Variants in ETS1 observed in about 807,000 individuals in gnomAD.
The protein encoded by ETS1 is protein C-ets-1.
A neutral mutation model predicts 58.6 loss-of-function variants in ETS1; 15 were observed. The observed-to-expected ratio is 0.26, with a 90% CI of 0.17 to 0.39. The LOEUF is 0.39. Among genes scored for constraint, ETS1 ranks in the 10% least tolerant of loss-of-function variants. The probability of loss-of-function intolerance (pLI) is 1.00; values close to 1 mark genes in which losing one functional copy is unlikely to be tolerated. For synonymous variants in ETS1, 214 were observed against 218.2 expected (o/e 0.98, Z 0.17); for missense variants, 417 against 610.5 (o/e 0.68, Z 3.34).
intron 3 of ETS1, among the ~76,000 whole-genome samples, chr11:128,507,407 C>A (rs1863270491): frequency 6.6e-6 from 1 of 152,252 alleles, no homozygotes; most frequent in South Asian, 2.1e-4. Context: ...TTACACACCA[C>A]TCCAGTTGGG....
intron 5 of ETS1, 99 bp from the exon 6 acceptor site, chr11:128,486,245 C>T (rs542260432): frequency 1.4e-4 from 105 of 728,878 alleles, no homozygotes; most frequent in Non-Finnish European, 2.3e-4. Flanking sequence ...ATCTCAACCC[C>T]TTTTCTAAGA....
At chr11:128,557,262 G>T (rs562331354) in intron 2 of ETS1, among the ~76,000 whole-genome samples, 31 of 152,270 alleles carry the variant, frequency 2.0e-4, no homozygotes, top group African/African-American at 7.0e-4. Context: ...TAGCTACTCG[G>T]GAGGCTAAGG....
At chr11:128,547,689 T>C (rs961241549) in intron 3 of ETS1, among the ~76,000 whole-genome samples, 1 of 152,128 alleles carries the variant, frequency 6.6e-6, no homozygotes, top group Non-Finnish European at 1.5e-5. Context: ...TCCTGTTTTC[T>C]TAAATAGCAA....
chr11:128,558,042 G>T (rs756729861), intron 2 of ETS1, among the ~76,000 whole-genome samples: 2 of 152,186 alleles, frequency 1.3e-5, no homozygotes, highest in Non-Finnish European at 2.9e-5. Context: ...GCAGAAGAAG[G>T]TTCCATGCAC....
At chr11:128,480,527 C>A in intron 7 of ETS1, 76 bp from the exon 8 acceptor site, 2 of 989,980 alleles carry the variant, frequency 2.0e-6, no homozygotes, top group South Asian at 2.9e-5. Context: ...TAAAAACCCT[C>A]TTATGGAGGA....
chr11:128,566,010 G>A (rs573199069), intron 2 of ETS1, among the ~76,000 whole-genome samples: 5 of 152,192 alleles, frequency 3.3e-5, no homozygotes, highest in Admixed American at 2.6e-4. Flanking sequence ...GAACTGCATC[G>A]CAAGGAGGCC....
At chr11:128,567,361 A>G (rs1038196835) in intron 2 of ETS1, among the ~76,000 whole-genome samples, 1 of 152,240 alleles carries the variant, frequency 6.6e-6, no homozygotes, top group Admixed American at 6.5e-5. Flanking sequence ...CAGTGCTCGT[A>G]CGTCTGCAAT....
intron 3 of ETS1, among the ~76,000 whole-genome samples, chr11:128,512,683 C>T (rs1437736765): frequency 2.0e-5 from 3 of 152,222 alleles, no homozygotes; most frequent in Non-Finnish European, 4.4e-5. Context: ...CTGTGGGCAC[C>T]CAAAGCACGC....
At chr11:128,579,259 A>C (rs563815043) in intron 1 of ETS1, among the ~76,000 whole-genome samples, 1 of 152,292 alleles carries the variant, frequency 6.6e-6, no homozygotes, top group East Asian at 1.9e-4. Flanking sequence ...ACAATGCAAA[A>C]TTTGAATAGA....
chr11:128,489,468 G>T lies in ETS1; in HGVS notation c.357C>A (p.Thr119=), dbSNP rs1408983361. ...CCCACATCACCCAGTCCCGAACATG[G>T]GTTTCTGTCCACTGCCGGGGGTCTG... ...IPKDPRQWTE[T]HVRDWVMWAV... Residue 119 remains threonine (T), a synonymous_variant, in exon 5 of 10, where the codon ACC becomes ACA. Transcript: ENST00000392668. 6.2e-7 allele frequency: 1 copy of T among 1,613,974 alleles called. No individual in the cohort carries two copies. Among genetic ancestry groups the T allele is most frequent in the Admixed American group, 1.7e-5 (1 of 60,024 alleles).
chr11:128,549,549 G>A lies in ETS1; in HGVS notation c.214+6742C>T, dbSNP rs1175272659. The stretch of plus-strand genomic sequence containing the variant: ...ACGTTTTTTCTCTCCGCAGCCCCCT[G>A]GGAGTCCCAGCGCAATGCTGTTACT... On this transcript the variant is annotated intron_variant, in intron 3 of 9. Transcript: ENST00000392668. The surrounding 1 kb of genome is among the most constrained non-coding windows in gnomAD (Gnocchi z 4.3). 6.6e-6 allele frequency among the ~76,000 whole-genome samples: 1 copy of A among 152,194 alleles called. No homozygotes were observed. Among genetic ancestry groups the A allele is most frequent in the Non-Finnish European group, 1.5e-5 (1 of 68,032 alleles).
chr11:128,482,305 C>T (rs1213764291), intron 7 of ETS1, among the ~76,000 whole-genome samples: 2 of 152,144 alleles, frequency 1.3e-5, no homozygotes, highest in Non-Finnish European at 2.9e-5. Context: ...TTTGTTCATA[C>T]CAGCTACTGA....
intron 3 of ETS1, chr11:128,505,155 G>A (rs1863196079): frequency 6.6e-6 from 1 of 152,238 alleles, no homozygotes. Context: ...CTGAAAGGCA[G>A]AGTGCCTCAT....
intron 3 of ETS1, among the ~76,000 whole-genome samples, chr11:128,508,833 C>A (rs182226095): frequency 1.3e-5 from 2 of 152,056 alleles, no homozygotes; most frequent in African/African-American, 4.8e-5. Flanking sequence ...GTATTCTGCA[C>A]CAGCTTTTGG....
intron 2 of ETS1, among the ~76,000 whole-genome samples, chr11:128,569,318 C>CTTCTTTTTTTTT (rs1864574645): frequency 5.1e-5 from 2 of 39,462 alleles, no homozygotes; most frequent in Non-Finnish European, 4.5e-5. Flanking sequence ...AGAGTTTCTT[C>CTTCTTTTTTTTT]TTTTTTTTTT....
chr11:128,547,504 A>T (rs1455856524), intron 3 of ETS1, among the ~76,000 whole-genome samples: 1 of 152,264 alleles, frequency 6.6e-6, no homozygotes, highest in Non-Finnish European at 1.5e-5. Context: ...GCCAGTAAAA[A>T]TGGCAAAGGC....
chr11:128,473,049 G>A (rs73029056), intron 8 of ETS1, among the ~76,000 whole-genome samples: 21,034 of 151,978 alleles, frequency 0.14, 1,668 homozygotes, highest in Middle Eastern at 0.27. Flanking sequence ...AAAAAGTCTC[G>A]ATTCCCTCAT....
At chr11:128,475,404 A>G (rs1862294080) in intron 8 of ETS1, among the ~76,000 whole-genome samples, 1 of 152,218 alleles carries the variant, frequency 6.6e-6, no homozygotes, top group South Asian at 2.1e-4. Context: ...AAACTCAACT[A>G]CGAGCCAGAA....
chr11:128,578,090 T>C (rs953330809), intron 1 of ETS1, among the ~76,000 whole-genome samples: 1 of 152,230 alleles, frequency 6.6e-6, no homozygotes, highest in African/African-American at 2.4e-5. Context: ...TGCTTGATTC[T>C]AGAGAGTTCT....
Sources: gnomAD v4.1 joint callset for allele counts (sites outside exome capture counted in the v4.1 genomes callset) on GRCh38, gnomAD v4.1.1 for gene constraint, Gnocchi (gnomAD v3.1) non-coding constraint, MANE v1.5 for transcripts, NCBI Gene and HGNC (gene_info 2026-07-23, HGNC 2026-07-21) for gene names.